AZIN2: variants seen among roughly 807,000 people sequenced by gnomAD.
AZIN2 encodes ODC antizyme inhibitor-2.
In AZIN2, 28 loss-of-function variants were observed where a neutral mutation model predicts 47.8. That is an observed-to-expected ratio of 0.59 (90% confidence interval 0.43 to 0.80). The LOEUF is 0.80. Among genes scored for constraint, AZIN2 ranks in the 30% least tolerant of loss-of-function variants. The pLI is 0.00. For synonymous variants in AZIN2, 221 were observed against 239.4 expected, an observed-to-expected ratio of 0.92 and a Z score of 0.71; for missense variants, 535 against 582.5, an observed-to-expected ratio of 0.92 and a Z score of 0.84.
intron 8 of AZIN2, 87 bp from the exon 9 acceptor site, chr1:33,096,620 A>G: frequency 6.6e-7 from 1 of 1,526,680 alleles, no homozygotes; most frequent in Non-Finnish European, 9.0e-7. Context: ...AGCAGCTTTC[A>G]AGAAATAGAC....
the AZIN2 span, chr1:33,147,280 C>T: frequency 2.1e-5 from 34 of 1,614,126 alleles, no homozygotes; most frequent in South Asian, 5.5e-5. This position sits in a 1 kb window ranked among gnomAD's most constrained non-coding sequence, Gnocchi z 8.1. Flanking sequence ...GAACTTCTCG[C>T]GGAAGGTGTA....
At chr1:33,092,281 CCTGGGCTGTGGGGAGG>C (rs1322422586) in intron 6 of AZIN2, 59 bp downstream of exon 6, 202 of 1,313,470 alleles carry the variant, frequency 1.5e-4, no homozygotes, top group East Asian at 6.9e-4. Context: ...CTGTGGGGAG[CCTGGGCTGTGGGGAGG>C]CTGGGCTGTG....
the AZIN2 span, chr1:33,165,453 C>T: frequency 1.3e-6 from 2 of 1,571,610 alleles, no homozygotes; most frequent in Non-Finnish European, 1.7e-6. The surrounding 1 kb of genome is among the most constrained non-coding windows in gnomAD (Gnocchi z 4.0). Flanking sequence ...CCCACCTCCG[C>T]GCCCCGGCCA....
At chr1:33,158,209 G>C in the AZIN2 span, 26 of 1,573,910 alleles carry the variant, frequency 1.7e-5, no homozygotes, top group African/African-American at 1.3e-4. Flanking sequence ...GCTGTGCTGG[G>C]ACATGCCCCA....
the AZIN2 span, chr1:33,147,672 C>A: frequency 4.0e-5 from 65 of 1,613,836 alleles, no homozygotes; most frequent in South Asian, 6.8e-4. The surrounding 1 kb of genome is among the most constrained non-coding windows in gnomAD (Gnocchi z 8.1). Context: ...TGCAGTCGTC[C>A]GACAGGATCA....
At chr1:33,083,872 A>G in intron 4 of AZIN2, 82 bp from the exon 5 acceptor site, 1 of 1,539,006 alleles carries the variant, frequency 6.5e-7, no homozygotes. Context: ...AACCTGGGTC[A>G]GGTACTTGGA....
intron 5 of AZIN2, among the ~76,000 whole-genome samples, chr1:33,091,520 G>T (rs1642549641): frequency 6.7e-6 from 1 of 149,364 alleles, no homozygotes; most frequent in Non-Finnish European, 1.5e-5. Flanking sequence ...GGTTACAGGC[G>T]TGAGCCACTG....
the AZIN2 span, among the ~76,000 whole-genome samples, chr1:33,153,951 A>G: frequency 6.6e-6 from 1 of 152,204 alleles, no homozygotes; most frequent in Non-Finnish European, 1.5e-5. Context: ...GACAATGACA[A>G]AACAGTGAGA....
At chr1:33,111,597 T>C (rs535026165) in intron 10 of AZIN2, among the ~76,000 whole-genome samples, 1 of 151,378 alleles carries the variant, frequency 6.6e-6, no homozygotes, top group Non-Finnish European at 1.5e-5. Context: ...GTAGACAAAA[T>C]ATATGAATAA....
intron 10 of AZIN2, among the ~76,000 whole-genome samples, chr1:33,108,342 C>CTTTTTTTTTTTT (rs34834263): frequency 3.3e-4 from 45 of 134,728 alleles, no homozygotes; most frequent in African/African-American, 9.7e-4. Flanking sequence ...TTCAGATTGA[C>CTTTTTTTTTTTT]TTTTTTTTTT....
chr1:33,138,184 G>A, the AZIN2 span, among the ~76,000 whole-genome samples: 11 of 152,116 alleles, frequency 7.2e-5, no homozygotes, highest in African/African-American at 2.7e-4. Context: ...CATCTGCTGC[G>A]GCAGGTTCCC....
At chr1:33,142,073 G>A in the AZIN2 span, 1 of 152,222 alleles carries the variant, frequency 6.6e-6, no homozygotes, top group African/African-American at 2.4e-5. Context: ...GTCCTGATGG[G>A]CAGTGATAAT....
At chr1:33,102,087 A>G (rs1643748517) in intron 10 of AZIN2, among the ~76,000 whole-genome samples, 1 of 152,080 alleles carries the variant, frequency 6.6e-6, no homozygotes, top group Non-Finnish European at 1.5e-5. Flanking sequence ...ATGCCAAACA[A>G]TTTTCTGAAG....
intron 4 of AZIN2, 130 bp downstream of exon 4, chr1:33,082,484 G>C (rs903130117): frequency 4.6e-6 from 3 of 647,728 alleles, no homozygotes; most frequent in Non-Finnish European, 5.2e-6. Flanking sequence ...ATTTGCAAGA[G>C]AGGGGCTCAA....
At chr1:33,138,389 C>T in the AZIN2 span, among the ~76,000 whole-genome samples, 2 of 152,132 alleles carry the variant, frequency 1.3e-5, no homozygotes, top group African/African-American at 4.8e-5. Flanking sequence ...GGTCTAGGTG[C>T]AGTGGTTCAT....
At chr1:33,159,648 G>A in the AZIN2 span, 1 of 1,580,630 alleles carries the variant, frequency 6.3e-7, no homozygotes, top group Non-Finnish European at 8.6e-7. This position sits in a 1 kb window ranked among gnomAD's most constrained non-coding sequence, Gnocchi z 4.2. Context: ...GTCGAGGAGG[G>A]GATGGTCAGC....
intron 8 of AZIN2, among the ~76,000 whole-genome samples, chr1:33,094,992 T>C (rs928471673): frequency 1.3e-5 from 2 of 152,154 alleles, no homozygotes; most frequent in African/African-American, 4.8e-5. Context: ...TTTACATAAG[T>C]CGTAAGGCTC....
the AZIN2 span, among the ~76,000 whole-genome samples, chr1:33,161,897 C>T: frequency 6.6e-6 from 1 of 152,158 alleles, no homozygotes; most frequent in African/African-American, 2.4e-5. This position sits in a 1 kb window ranked among gnomAD's most constrained non-coding sequence, Gnocchi z 4.3. Flanking sequence ...CGGGGCTCAT[C>T]CAGGTCAGCG....
intron 9 of AZIN2, 34 bp from the exon 10 acceptor site, chr1:33,098,033 A>G (rs1209341296): frequency 1.3e-6 from 2 of 1,529,064 alleles, no homozygotes; most frequent in East Asian, 2.3e-5. Flanking sequence ...TCACATTGCT[A>G]CTTGTGCTGC....
Sources: gnomAD v4.1 joint callset for allele counts (sites outside exome capture counted in the v4.1 genomes callset) on GRCh38, gnomAD v4.1.1 for gene constraint, Gnocchi (gnomAD v3.1) non-coding constraint, MANE v1.5 for transcripts, NCBI Gene and HGNC (gene_info 2026-07-23, HGNC 2026-07-21) for gene names.